The following GUCY1A2 variants were observed in gnomAD, a reference collection of about 807,000 sequenced individuals.
GUCY1A2 encodes guanylate cyclase 1 soluble subunit alpha 2, also known as guanylate cyclase soluble subunit alpha-2.
GUCY1A2 carries 27 observed loss-of-function variants against 63.5 expected under a neutral mutation model. The ratio of observed to expected loss-of-function variants is 0.43; its 90% confidence interval spans 0.31 to 0.59. The LOEUF (loss-of-function observed/expected upper bound fraction) is 0.59, where lower values mean the gene tolerates loss of function less well. Among genes scored for constraint, GUCY1A2 ranks in the 20% least tolerant of loss-of-function variants. The pLI, the probability that GUCY1A2 is intolerant of heterozygous loss-of-function variation, is 0.11. For synonymous variants in GUCY1A2, 364 were observed against 343.5 expected (o/e 1.06, Z -0.66); for missense variants, 768 against 913.3 (o/e 0.84, Z 2.05).
chr11:107,016,054 C>T (rs1861819168), intron 1 of GUCY1A2, among the ~76,000 whole-genome samples: 2 of 152,268 alleles, frequency 1.3e-5, no homozygotes, highest in South Asian at 4.1e-4. Flanking sequence ...AGAAAAAAAT[C>T]ATTCTCCATT....
chr11:106,898,540 C>A (rs553928605), intron 4 of GUCY1A2, among the ~76,000 whole-genome samples: 1 of 152,076 alleles, frequency 6.6e-6, no homozygotes, highest in South Asian at 2.1e-4. Flanking sequence ...AGCTATCAAG[C>A]CATGAAAAGA....
chr11:106,744,902 C>A (rs1863759941), intron 6 of GUCY1A2, among the ~76,000 whole-genome samples: 1 of 152,038 alleles, frequency 6.6e-6, no homozygotes, highest in African/African-American at 2.4e-5. Context: ...TTTAGTTAAG[C>A]ATTACTACTT....
chr11:106,965,519 A>G (rs1158925075), intron 3 of GUCY1A2, among the ~76,000 whole-genome samples: 1 of 152,200 alleles, frequency 6.6e-6, no homozygotes, highest in Non-Finnish European at 1.5e-5. Context: ...TATGCATTTG[A>G]TTTGTGGATT....
rs573219741 is a variant in GUCY1A2, at chr11:106,779,417, C to A, written c.1693-2835G>T. ...TAAGACAATGTTCTTTGCTAATCTTCACATTATCCCACCCGTTCATATTTG... is the reference window on the plus strand; with the variant it reads ...TAAGACAATGTTCTTTGCTAATCTTAACATTATCCCACCCGTTCATATTTG... On this transcript the variant is annotated intron_variant, in intron 5 of 7. Transcript: ENST00000526355. 3.3e-5 allele frequency among the ~76,000 whole-genome samples: 5 copies of A among 152,314 alleles called. No individual in the cohort carries two copies. In the East Asian group the frequency reaches 9.7e-4, roughly 29 times the overall value.
chr11:106,930,726 G>C (rs574683556), intron 4 of GUCY1A2, among the ~76,000 whole-genome samples: 1 of 152,138 alleles, frequency 6.6e-6, no homozygotes, highest in Admixed American at 6.5e-5. Context: ...AAAATAATAA[G>C]AAAAGAAACC....
rs923684033 is a variant in GUCY1A2 at position 106,676,795 on chromosome 11, A to C, written c.*10754T>G. 5.1e-6 allele frequency: 1 copy of C among 196,352 alleles called. No individual in the cohort carries two copies. The highest frequency in any genetic ancestry group is 7.9e-5 in the East Asian group (1 of 12,660). The allele number at this position is 196,352 out of a possible 1,614,324, so 12.2% of individuals were successfully genotyped here. On this transcript the variant is annotated 3_prime_UTR_variant, in exon 8 of 8. Coordinates refer to ENST00000526355, the MANE Select transcript of GUCY1A2 (RefSeq NM_000855.3). The stretch of plus-strand genomic sequence containing the variant: ...TCTTTAGCAGTGTGGTACTCACATA[A>C]AAAAAAATGACTACTTGAAAATAAG...
intron 6 of GUCY1A2, among the ~76,000 whole-genome samples, chr11:106,756,275 C>T (rs1863972419): frequency 6.6e-6 from 1 of 152,174 alleles, no homozygotes; most frequent in South Asian, 2.1e-4. Context: ...GAATACAGCA[C>T]ACTGATGGGT....
intron 5 of GUCY1A2, among the ~76,000 whole-genome samples, chr11:106,785,021 C>G (rs79691540): frequency 0.012 from 1,778 of 152,218 alleles, 31 homozygotes; most frequent in African/African-American, 0.04. Flanking sequence ...ACATAGGTAC[C>G]CACTCCTTGC....
chr11:106,843,765 C>T lies in GUCY1A2; in HGVS notation c.1207-33287G>A, dbSNP rs538267058. ...GAGACACAACTAGAATTTAGTTCTCCTGACACAATACTAATTATTCTTACT... is the reference window on the plus strand; with the variant it reads ...GAGACACAACTAGAATTTAGTTCTCTTGACACAATACTAATTATTCTTACT... On this transcript the variant is annotated intron_variant, in intron 4 of 7. Coordinates refer to ENST00000526355, the MANE Select transcript of GUCY1A2 (RefSeq NM_000855.3). Among the ~76,000 whole-genome samples the T allele has an allele frequency of 4.7e-4, 71 of 151,988 alleles. 1 individual carries two copies. In the South Asian group the frequency reaches 0.015, roughly 31 times the overall value.
chr11:106,764,288 A>G (rs927138623), intron 6 of GUCY1A2, among the ~76,000 whole-genome samples: 1 of 152,214 alleles, frequency 6.6e-6, no homozygotes, highest in South Asian at 2.1e-4. Flanking sequence ...TTTTAAGGAA[A>G]ATTAAAGTTA....
chr11:106,920,587 G>C (rs957676019), intron 4 of GUCY1A2, among the ~76,000 whole-genome samples: 2 of 152,004 alleles, frequency 1.3e-5, no homozygotes, highest in African/African-American at 4.8e-5. Flanking sequence ...ACTGAACCAT[G>C]TTTAATGGAT....
At chr11:106,706,394 AT>A (rs1432191815) in intron 7 of GUCY1A2, among the ~76,000 whole-genome samples, 1 of 152,138 alleles carries the variant, frequency 6.6e-6, no homozygotes, top group African/African-American at 2.4e-5. Flanking sequence ...GTGCAGAACA[AT>A]AACACAACAG....
intron 1 of GUCY1A2, among the ~76,000 whole-genome samples, chr11:106,997,168 C>A (rs1861550389): frequency 6.6e-6 from 1 of 152,062 alleles, no homozygotes; most frequent in African/African-American, 2.4e-5. Flanking sequence ...TGCCAAGATA[C>A]ATGGATGTAT....
At chr11:106,730,188 G>A (rs1418632549) in intron 6 of GUCY1A2, among the ~76,000 whole-genome samples, 3 of 150,128 alleles carry the variant, frequency 2.0e-5, no homozygotes, top group Non-Finnish European at 3.0e-5. Context: ...TGCATGTCAC[G>A]GGTGTTTGTT....
intron 4 of GUCY1A2, among the ~76,000 whole-genome samples, chr11:106,891,620 T>A (rs1859975902): frequency 6.6e-6 from 1 of 152,124 alleles, no homozygotes; most frequent in African/African-American, 2.4e-5. Flanking sequence ...AGGTTCAAGT[T>A]TGTTTTTCCA....
intron 7 of GUCY1A2, 29 bp downstream of exon 7, chr11:106,708,483 C>G: frequency 6.3e-7 from 1 of 1,581,614 alleles, no homozygotes; most frequent in Admixed American, 1.7e-5. Context: ...AAGGCCAAGA[C>G]AGGAAGGAGG....
intron 3 of GUCY1A2, among the ~76,000 whole-genome samples, chr11:106,959,361 A>T (rs901781895): frequency 1.3e-5 from 2 of 152,174 alleles, no homozygotes; most frequent in African/African-American, 4.8e-5. Context: ...TTCTTTTGTA[A>T]CAGAGCCATA....
intron 5 of GUCY1A2, among the ~76,000 whole-genome samples, chr11:106,795,287 C>T (rs1246699155): frequency 1.3e-5 from 2 of 152,214 alleles, no homozygotes; most frequent in East Asian, 1.9e-4. Context: ...TCTCTCTGAT[C>T]GTCAAAGGAC....
At chr11:106,959,702 G>A (rs1356081995) in intron 3 of GUCY1A2, among the ~76,000 whole-genome samples, 1 of 152,208 alleles carries the variant, frequency 6.6e-6, no homozygotes, top group Admixed American at 6.5e-5. Context: ...GGGCAATTCT[G>A]AAGAGATCAG....
Sources: gnomAD v4.1 joint callset for allele counts (sites outside exome capture counted in the v4.1 genomes callset) on GRCh38, gnomAD v4.1.1 for gene constraint, MANE v1.5 for transcripts, NCBI Gene and HGNC (gene_info 2026-07-23, HGNC 2026-07-21) for gene names.